The following OTULIN variants were observed in gnomAD, a reference collection of about 807,000 sequenced individuals.
The protein encoded by OTULIN is ubiquitin thioesterase otulin.
Under a neutral mutation model 39.6 loss-of-function variants are expected in OTULIN, and 15 were observed. The observed-to-expected ratio is 0.38, with a 90% CI of 0.25 to 0.58. The LOEUF is 0.58. Among genes scored for constraint, OTULIN ranks in the 20% least tolerant of loss-of-function variants. OTULIN has a pLI of 0.66. For missense variants in OTULIN, 319 were observed against 445.9 expected (o/e 0.72, Z 2.56); for synonymous variants, 156 against 170.3 (o/e 0.92, Z 0.65).
Position 14,690,309 on chromosome 5 carries a change from G to C in OTULIN, c.864+1G>C, listed in dbSNP as rs1477015862. The C allele has an allele frequency of 6.2e-7, 1 of 1,612,296 alleles. No individual in the cohort carries two copies. The highest frequency in any genetic ancestry group is 8.5e-7 in the Non-Finnish European group (1 of 1,179,000). Reference sequence around the variant, plus strand: ...GGGACACACTGGTGGTCTTGAACAGGTAAGTTGTGCTTTTGAGCATGTATT... The same window carrying C: ...GGGACACACTGGTGGTCTTGAACAGCTAAGTTGTGCTTTTGAGCATGTATT... On this transcript the variant is annotated splice_donor_variant, in intron 6 of 6. Transcript: ENST00000284274. LOFTEE classifies it high-confidence loss of function. This position sits in a 1 kb window ranked among gnomAD's most constrained non-coding sequence, Gnocchi z 4.5.
At chr5:14,714,108 G>GT in the OTULIN span, among the ~76,000 whole-genome samples, 1 of 152,252 alleles carries the variant, frequency 6.6e-6, no homozygotes, top group Non-Finnish European at 1.5e-5. Context: ...GGTCAGAGGT[G>GT]TGGGGACCAA....
At position 14,669,361 on chromosome 5, in the gene OTULIN, G is replaced by C. The variant is rs372855375; in HGVS notation, c.153-4281G>C. Reference sequence around the variant, plus strand: ...GCCTATGCAATAAGAGCGAAACTCCGTCTCAAAAAAAGAAAATAGGTAAAT... The same window carrying C: ...GCCTATGCAATAAGAGCGAAACTCCCTCTCAAAAAAAGAAAATAGGTAAAT... On this transcript the variant is annotated intron_variant, in intron 1 of 6. Transcript: ENST00000284274. Among the ~76,000 whole-genome samples the C allele has an allele frequency of 3.2e-4, 47 of 145,456 alleles. No homozygotes were observed. In the East Asian group the frequency reaches 5.4e-3, roughly 17 times the overall value.
downstream of OTULIN, among the ~76,000 whole-genome samples, chr5:14,701,744 TGTGA>T (rs762014831): frequency 2.6e-5 from 4 of 152,044 alleles, no homozygotes; most frequent in African/African-American, 4.8e-5. Flanking sequence ...TTCTCTTTGG[TGTGA>T]GTGTCGTCCT....
chr5:14,677,466 A>G lies in OTULIN; in HGVS notation c.230-1215A>G, dbSNP rs952218454. Among the ~76,000 whole-genome samples the G allele has an allele frequency of 3.9e-5, 6 of 152,228 alleles. 1 individual carries two copies. Among genetic ancestry groups the G allele is most frequent in the African/African-American group, 1.4e-4 (6 of 41,450 alleles). ...CATTGCTAGCATCTACGTCTTCAGT[A>G]ATTTAAAAAGGAAGTCAAGATGTGC... On this transcript the variant is annotated intron_variant, in intron 2 of 6. Coordinates refer to ENST00000284274, the MANE Select transcript of OTULIN (RefSeq NM_138348.6).
the OTULIN span, chr5:14,711,462 C>T: frequency 1.5e-6 from 1 of 677,778 alleles, no homozygotes. Context: ...TCTTTTGCAT[C>T]TTAGCTCAGT....
At position 14,681,398 on chromosome 5, in the gene OTULIN, A is replaced by G; in HGVS notation, c.325-66A>G. ...CCCAGGCCAAGCTTTTTCCACAGGA[A>G]TGAAACTTTCTCTGCTATCTCAAGT... On this transcript the variant is annotated intron_variant, in intron 3 of 6. Coordinates refer to ENST00000284274, the MANE Select transcript of OTULIN (RefSeq NM_138348.6). 3 of 1,525,624 alleles carry G rather than the reference A, an allele frequency of 2.0e-6. No homozygotes were observed. The South Asian group carries it at 3.9e-5, about 20-fold the overall frequency. The allele number at this position is 1,525,624 out of a possible 1,614,324, so 94.5% of individuals were successfully genotyped here.
At chr5:14,708,612 C>T in the OTULIN span, 1 of 152,212 alleles carries the variant, frequency 6.6e-6, no homozygotes, top group African/African-American at 2.4e-5. Context: ...TATGCCAGTT[C>T]TCAGTTTTGC....
Position 14,673,655 on chromosome 5 carries a change from T to C in OTULIN, c.166T>C (p.Tyr56His). Residue 56 changes from tyrosine (Y) to histidine (H), a missense_variant, in exon 2 of 7, where the codon TAC (tyrosine) becomes CAC (histidine). Physicochemically the swap from Tyr to His is moderately conservative, Grantham distance 83 (BLOSUM62 2). Around this residue, in one of 4 missense-constraint regions of OTULIN, gnomAD observed 132 missense variants for 143.7 expected, o/e 0.92. Coordinates refer to ENST00000284274, the MANE Select transcript of OTULIN (RefSeq NM_138348.6). ...GTGTAATTTCAGTGAGGAGGACATG[T>C]ACCGTGCTGCAGATGAAATAGAAAA... ...QCPAEHEEDM[Y>H]RAADEIEKEK... 1 of 1,613,696 alleles carries C rather than the reference T, an allele frequency of 6.2e-7. No individual in the cohort carries two copies. The highest frequency in any genetic ancestry group is 8.5e-7 in the Non-Finnish European group (1 of 1,179,808).
the OTULIN span, chr5:14,707,060 C>G: frequency 2.0e-5 from 3 of 152,008 alleles, no homozygotes; most frequent in East Asian, 5.8e-4. Flanking sequence ...ACCCCTTTTT[C>G]TGGACTGTGC....
the OTULIN span, chr5:14,705,715 C>T: frequency 6.5e-6 from 1 of 152,984 alleles, no homozygotes; most frequent in Non-Finnish European, 1.5e-5. Context: ...TGTGGCAGCC[C>T]TGGGGTAAGG....
chr5:14,679,419 C>T (rs1254722998), intron 3 of OTULIN, among the ~76,000 whole-genome samples: 1 of 152,208 alleles, frequency 6.6e-6, no homozygotes, highest in Non-Finnish European at 1.5e-5. Context: ...CCAGTATTAT[C>T]AGTAGGGTGA....
At position 14,678,786 on chromosome 5, in the gene OTULIN, G is replaced by A. The variant is rs1488538227; in HGVS notation, c.324+11G>A. On this transcript the variant is annotated intron_variant, in intron 3 of 6. Transcript: ENST00000284274. The stretch of plus-strand genomic sequence containing the variant: ...ACGTGTATGAAAATGGTATGACACA[G>A]AGGTGCACATATTTCAGGTCTTTCA... The A allele has an allele frequency of 6.4e-7, 1 of 1,556,334 alleles. No individual in the cohort carries two copies. Among genetic ancestry groups the A allele is most frequent in the East Asian group, 2.3e-5 (1 of 44,314 alleles).
Position 14,692,534 on chromosome 5 carries a change from C to G in OTULIN, c.865-320C>G, listed in dbSNP as rs192662859. 9.5e-4 allele frequency among the ~76,000 whole-genome samples: 144 copies of G among 152,270 alleles called. 1 individual carries two copies. The highest frequency in any genetic ancestry group is 3.4e-3 in the African/African-American group (141 of 41,556). On this transcript the variant is annotated intron_variant, in intron 6 of 6. Coordinates refer to ENST00000284274, the MANE Select transcript of OTULIN (RefSeq NM_138348.6). ...TGTGCTTTCTTGGTCACTTGTATATCTTCTTTGGAGAGAGGTGTCTGTTCA... is the reference window on the plus strand; with the variant it reads ...TGTGCTTTCTTGGTCACTTGTATATGTTCTTTGGAGAGAGGTGTCTGTTCA...
At chr5:14,678,844 T>C (rs1397189134) in intron 3 of OTULIN, 69 bp downstream of exon 3, 1 of 1,044,360 alleles carries the variant, frequency 9.6e-7, no homozygotes, top group African/African-American at 1.6e-5. Context: ...AATATGTCAT[T>C]TGATATTTTT....
downstream of OTULIN, among the ~76,000 whole-genome samples, chr5:14,701,517 C>A (rs1736795769): frequency 6.6e-6 from 1 of 152,146 alleles, no homozygotes; most frequent in Non-Finnish European, 1.5e-5. Context: ...GACTCAGGAC[C>A]CCATTTCAAG....
At chr5:14,692,816 T>G in intron 6 of OTULIN, 38 bp from the exon 7 acceptor site, 3 of 1,592,614 alleles carry the variant, frequency 1.9e-6, no homozygotes, top group Non-Finnish European at 2.6e-6. Context: ...TTTTTCAGTG[T>G]GATCTTCCTC....
the OTULIN span, chr5:14,708,653 C>G: frequency 6.6e-6 from 1 of 152,148 alleles, no homozygotes; most frequent in South Asian, 2.1e-4. Flanking sequence ...ACTTAAGCAG[C>G]CCAAGTGAAG....
In OTULIN at chr5:14,693,166, T is replaced by C; in HGVS notation, c.*118T>C. On this transcript the variant is annotated 3_prime_UTR_variant, in exon 7 of 7. Transcript: ENST00000284274. ...TCTCTGAGAAGAACCCTTGGGCCCC[T>C]GGGAGCCAAGTTGGACAGGATGTCC... 1 of 965,152 alleles carries C rather than the reference T, an allele frequency of 1.0e-6. No individual in the cohort carries two copies. Among genetic ancestry groups the C allele is most frequent in the Non-Finnish European group, 1.5e-6 (1 of 665,816 alleles). The allele number at this position is 965,152 out of a possible 1,614,324, so 59.8% of individuals were successfully genotyped here. A position where few individuals can be genotyped will look rare whatever the true frequency, so the allele number is the denominator to read the frequency against.
intron 4 of OTULIN, among the ~76,000 whole-genome samples, chr5:14,685,649 A>G (rs1389537692): frequency 6.6e-6 from 1 of 152,208 alleles, no homozygotes; most frequent in Non-Finnish European, 1.5e-5. Flanking sequence ...GGAATCAGAA[A>G]CAATTGTTTC....
Sources: gnomAD v4.1 joint callset for allele counts (sites outside exome capture counted in the v4.1 genomes callset) on GRCh38, gnomAD v4.1.1 for gene constraint, gnomAD v4.1.1 regional missense constraint, Gnocchi (gnomAD v3.1) non-coding constraint, MANE v1.5 for transcripts, NCBI Gene and HGNC (gene_info 2026-07-23, HGNC 2026-07-21) for gene names.